Variants in PRDM16 observed in about 807,000 individuals in gnomAD.
The protein encoded by PRDM16 is histone-lysine N-methyltransferase PRDM16.
PRDM16 carries 23 observed loss-of-function variants against 110.6 expected under a neutral mutation model. That is an observed-to-expected ratio of 0.21 (90% CI 0.15 to 0.29). The LOEUF (loss-of-function observed/expected upper bound fraction) is 0.29, where lower values mean the gene tolerates loss of function less well. PRDM16 is among the 10% of genes least tolerant of loss of function. The pLI, the probability that PRDM16 is intolerant of heterozygous loss-of-function variation, is 1.00. For synonymous variants in PRDM16, 799 were observed against 781.8 expected, an observed-to-expected ratio of 1.02 and a Z score of -0.37; for missense variants, 1,615 against 1,794.3, an observed-to-expected ratio of 0.90 and a Z score of 1.81.
intron 1 of PRDM16, among the ~76,000 whole-genome samples, chr1:3,152,543 AGG>A: frequency 6.6e-6 from 1 of 152,286 alleles, no homozygotes; most frequent in Admixed American, 6.5e-5. Flanking sequence ...GAAGGCTTGG[AGG>A]GGTTCTGACC....
At chr1:3,272,824 G>A (rs1455260791) in intron 3 of PRDM16, among the ~76,000 whole-genome samples, 1 of 152,244 alleles carries the variant, frequency 6.6e-6, no homozygotes, top group Non-Finnish European at 1.5e-5. Flanking sequence ...CCCCCACAGG[G>A]AGGGCTGGCT....
intron 2 of PRDM16, among the ~76,000 whole-genome samples, chr1:3,188,230 T>C (rs1644294672): frequency 6.6e-6 from 1 of 152,188 alleles, no homozygotes; most frequent in South Asian, 2.1e-4. Flanking sequence ...AGGGTGTTTG[T>C]CCGTCACACT....
At chr1:3,284,132 C>A (rs749027563) in intron 3 of PRDM16, among the ~76,000 whole-genome samples, 36 of 151,974 alleles carry the variant, frequency 2.4e-4, no homozygotes, top group Admixed American at 3.9e-4. Context: ...GTAGCCCGCC[C>A]GGGAAGCTGG....
At chr1:3,144,117 T>C (rs1374133054) in intron 1 of PRDM16, among the ~76,000 whole-genome samples, 3 of 152,308 alleles carry the variant, frequency 2.0e-5, no homozygotes, top group African/African-American at 7.2e-5. Flanking sequence ...CGGAGGGACC[T>C]ATCTGCCACC....
chr1:3,388,773 C>A (rs528206485), intron 4 of PRDM16, among the ~76,000 whole-genome samples: 10 of 152,354 alleles, frequency 6.6e-5, no homozygotes, highest in African/African-American at 2.4e-4. Context: ...GTGAGACCCA[C>A]ACTTTAGGGG....
chr1:3,404,907 G>A (rs375796968), intron 7 of PRDM16, 21 bp downstream of exon 7: 28 of 1,609,844 alleles, frequency 1.7e-5, no homozygotes, highest in Middle Eastern at 1.6e-4. Context: ...GGGCGGCCCC[G>A]TCTCAGCCCC....
At position 3,406,793 on chromosome 1, in the gene PRDM16, A is replaced by G. The variant is rs1643569978; in HGVS notation, c.1186+1145A>G. ...TAAGAGGTCACCAGGGCCGGGTCCA[A>G]GGGGCCTTGTGGGCCAGTGCAGGGA... On this transcript the variant is annotated intron_variant, in intron 8 of 16. Transcript: ENST00000270722. Among the ~76,000 whole-genome samples the G allele has an allele frequency of 2.6e-5, 4 of 152,322 alleles. No individual in the cohort carries two copies. In the South Asian group the frequency reaches 8.3e-4, roughly 32 times the overall value.
At chr1:3,086,284 C>A (rs541453251) in intron 1 of PRDM16, among the ~76,000 whole-genome samples, 16 of 152,110 alleles carry the variant, frequency 1.1e-4, no homozygotes, top group Admixed American at 2.6e-4. Context: ...CTGCCCTGGG[C>A]GCACCTGCTG....
At chr1:3,311,003 G>A (rs1641445173) in intron 3 of PRDM16, among the ~76,000 whole-genome samples, 1 of 152,172 alleles carries the variant, frequency 6.6e-6, no homozygotes, top group Non-Finnish European at 1.5e-5. Context: ...GCGTATGTGT[G>A]TGTGTGTGTG....
At chr1:3,182,082 C>T (rs1644217111) in intron 1 of PRDM16, among the ~76,000 whole-genome samples, 2 of 152,258 alleles carry the variant, frequency 1.3e-5, no homozygotes, top group South Asian at 4.1e-4. Flanking sequence ...TGGGGGCCGC[C>T]CTTCCCTGCC....
Position 3,186,382 on chromosome 1 carries a change from T to C in PRDM16, c.295T>C (p.Trp99Arg). Reference protein sequence around the residue: ...SSIPGAGLGVWAKRKMEAGER... With the variant: ...SSIPGAGLGVRAKRKMEAGER... ...CATCCCAGGGGCTGGCCTGGGGGTC[T>C]GGGCCAAGAGGAAGATGGAAGCCGG... The change falls in exon 2 of 17, where the codon TGG becomes CGG. Residue 99 changes from tryptophan (W) to arginine (R), a missense_variant. Physicochemically the swap from Trp to Arg is moderately radical, Grantham distance 101. Coordinates refer to ENST00000270722, the MANE Select transcript of PRDM16 (RefSeq NM_022114.4). 1 of 1,609,920 alleles carries C rather than the reference T, an allele frequency of 6.2e-7. No homozygotes were observed. Among genetic ancestry groups the C allele is most frequent in the South Asian group, 1.1e-5 (1 of 90,660 alleles).
intron 1 of PRDM16, among the ~76,000 whole-genome samples, chr1:3,088,706 T>C (rs1430346177): frequency 6.6e-6 from 1 of 151,188 alleles, no homozygotes; most frequent in Non-Finnish European, 1.5e-5. Flanking sequence ...GATCTCAGCC[T>C]CTCAGAGTGT....
rs1205017983 is a variant in PRDM16 at position 3,435,086 on chromosome 1, A to G, written c.*1275A>G. The G allele has an allele frequency of 4.4e-6, 1 of 227,414 alleles. No individual in the cohort carries two copies. The highest frequency in any genetic ancestry group is 8.7e-6 in the Non-Finnish European group (1 of 114,450). The allele number at this position is 227,414 out of a possible 1,614,324, so 14.1% of individuals were successfully genotyped here. ...ACCTGCCGCAAGGAGCAGAGACAGCACAGCCCCCCGGGCCCAGCCGCCTCC... is the reference window on the plus strand; with the variant it reads ...ACCTGCCGCAAGGAGCAGAGACAGCGCAGCCCCCCGGGCCCAGCCGCCTCC... On this transcript the variant is annotated 3_prime_UTR_variant, in exon 17 of 17. Coordinates refer to ENST00000270722, the MANE Select transcript of PRDM16 (RefSeq NM_022114.4).
At chr1:3,130,013 G>C (rs1467044095) in intron 1 of PRDM16, among the ~76,000 whole-genome samples, 1 of 152,230 alleles carries the variant, frequency 6.6e-6, no homozygotes, top group Non-Finnish European at 1.5e-5. Flanking sequence ...GGGCAGTGCA[G>C]GCGGCTTGTT....
At chr1:3,181,135 C>CAA (rs1644160090) in intron 1 of PRDM16, among the ~76,000 whole-genome samples, 3 of 141,514 alleles carry the variant, frequency 2.1e-5, no homozygotes, top group Admixed American at 7.2e-5. Flanking sequence ...CAGTCTTACA[C>CAA]GCGGTCTTAC....
intron 2 of PRDM16, among the ~76,000 whole-genome samples, chr1:3,217,874 CT>C (rs1295542056): frequency 6.6e-6 from 1 of 152,238 alleles, no homozygotes; most frequent in Non-Finnish European, 1.5e-5. Flanking sequence ...CCCAACTCTG[CT>C]CCCCACACGA....
At chr1:3,380,691 G>A (rs1349299136) in intron 3 of PRDM16, among the ~76,000 whole-genome samples, 1 of 152,218 alleles carries the variant, frequency 6.6e-6, no homozygotes, top group Non-Finnish European at 1.5e-5. Flanking sequence ...TACCCTGGCA[G>A]GGGAGGGTTA....
chr1:3,331,143 G>A (rs1417070250), intron 3 of PRDM16, among the ~76,000 whole-genome samples: 1 of 152,252 alleles, frequency 6.6e-6, no homozygotes, highest in Non-Finnish European at 1.5e-5. Context: ...GCCTGGGAGG[G>A]GGCCTTCCTC....
At chr1:3,426,953 CAT>C (rs780368360) in intron 14 of PRDM16, among the ~76,000 whole-genome samples, 12 of 151,904 alleles carry the variant, frequency 7.9e-5, no homozygotes, top group East Asian at 3.9e-4. Flanking sequence ...GTGTACATAA[CAT>C]GTGCGTGCAT....
Sources: gnomAD v4.1 joint callset for allele counts (sites outside exome capture counted in the v4.1 genomes callset) on GRCh38, gnomAD v4.1.1 for gene constraint, MANE v1.5 for transcripts, NCBI Gene and HGNC (gene_info 2026-07-23, HGNC 2026-07-21) for gene names.